Variants in GRM7 observed in about 807,000 individuals in gnomAD.
GRM7 encodes the protein glutamate metabotropic receptor 7.
GRM7 carries 35 observed loss-of-function variants against 84.5 expected under a neutral mutation model. The ratio of observed to expected loss-of-function variants is 0.41; its 90% CI spans 0.32 to 0.55. The LOEUF is 0.55. GRM7 is among the 20% of genes least tolerant of loss of function. GRM7 has a pLI of 0.19. For missense variants in GRM7, 1,003 were observed against 1,194.6 expected, an observed-to-expected ratio of 0.84 and a Z score of 2.36; for synonymous variants, 487 against 455.1, an observed-to-expected ratio of 1.07 and a Z score of -0.89.
chr3:7,001,173 C>T (rs551981721), intron 1 of GRM7, among the ~76,000 whole-genome samples: 1 of 152,120 alleles, frequency 6.6e-6, no homozygotes, highest in East Asian at 1.9e-4. Context: ...TAGTGAGACC[C>T]CATATCCACA....
At chr3:7,062,550 A>G (rs755228964) in intron 1 of GRM7, among the ~76,000 whole-genome samples, 1 of 151,816 alleles carries the variant, frequency 6.6e-6, no homozygotes, top group African/African-American at 2.4e-5. Context: ...AATTTCTCCA[A>G]TCACCCCCAG....
chr3:7,159,596 T>C (rs139568020), intron 2 of GRM7, among the ~76,000 whole-genome samples: 88 of 152,230 alleles, frequency 5.8e-4, no homozygotes, highest in African/African-American at 2.0e-3. Context: ...TCTCCAAACA[T>C]CAATCGAACA....
chr3:7,654,194 C>T (rs993575809), intron 8 of GRM7, among the ~76,000 whole-genome samples: 50 of 152,222 alleles, frequency 3.3e-4, no homozygotes, highest in East Asian at 9.7e-4. Flanking sequence ...AAGACCTTTG[C>T]GCAAGTAGAG....
At chr3:7,232,378 C>A (rs1000280199) in intron 2 of GRM7, among the ~76,000 whole-genome samples, 3 of 152,034 alleles carry the variant, frequency 2.0e-5, no homozygotes, top group African/African-American at 7.2e-5. Context: ...GTTGAGATAC[C>A]ATAAAGAGCT....
chr3:7,236,379 T>G (rs139151830), intron 2 of GRM7, among the ~76,000 whole-genome samples: 1 of 152,314 alleles, frequency 6.6e-6, no homozygotes, highest in East Asian at 1.9e-4. Context: ...TTTTCTCCTA[T>G]TTTTTAGAAA....
Position 7,550,567 on chromosome 3 carries a change from CTCTCTCTCTCTGTGTG to C in GRM7, c.1516-27853_1516-27838del, listed in dbSNP as rs1373610474. Among the ~76,000 whole-genome samples, 491 of 101,952 alleles carry C rather than the reference CTCTCTCTCTCTGTGTG, an allele frequency of 4.8e-3. 7 individuals carry two copies. The highest frequency in any genetic ancestry group is 0.014 in the African/African-American group (448 of 31,710). The allele number at this position is 101,952 out of a possible 152,430, so 66.9% of individuals were successfully genotyped here. ...TTTTCTTCTCTCTCTCTCTCTCTCT[CTCTCTCTCTCTGTGTG>C]TGTGTGTGTGTGTGTGTGTGTGTGT... On this transcript the variant is annotated intron_variant, in intron 7 of 9. Coordinates refer to ENST00000357716, the MANE Select transcript of GRM7 (RefSeq NM_000844.4).
chr3:7,239,018 G>A lies in GRM7; in HGVS notation c.737-59666G>A, dbSNP rs576708105. Among the ~76,000 whole-genome samples the A allele has an allele frequency of 1.2e-4, 12 of 100,942 alleles. No homozygotes were observed. The Admixed American group carries it at 1.5e-3, about 13-fold the overall frequency. 66.2% of individuals were successfully genotyped at this position (100,942 alleles called of 152,430 possible). A position where few individuals can be genotyped will look rare whatever the true frequency, so the allele number is the denominator to read the frequency against. ...TTTCCTTTTTCTTTTTTTTGACATG[G>A]TCTCATTCTGTAATGCAGGCTGGAG... is the stretch of plus-strand genomic sequence containing the variant. On this transcript the variant is annotated intron_variant, in intron 2 of 9. Transcript: ENST00000357716.
intron 7 of GRM7, chr3:7,559,119 A>C (rs527674749): frequency 6.8e-6 from 1 of 147,138 alleles, no homozygotes; most frequent in Admixed American, 6.9e-5. Context: ...CAACACACAT[A>C]TATTAACAGT....
chr3:7,703,732 C>T (rs1478843198), intron 9 of GRM7, among the ~76,000 whole-genome samples: 1 of 152,138 alleles, frequency 6.6e-6, no homozygotes, highest in Non-Finnish European at 1.5e-5. Context: ...TGACAATTAT[C>T]CTTGAGCTAG....
chr3:7,515,693 A>G (rs1303120908), intron 7 of GRM7, among the ~76,000 whole-genome samples: 1 of 152,148 alleles, frequency 6.6e-6, no homozygotes, highest in Non-Finnish European at 1.5e-5. Context: ...GAGGACTCAC[A>G]AGTAATCCAT....
intron 2 of GRM7, among the ~76,000 whole-genome samples, chr3:7,177,024 G>T (rs1476533022): frequency 6.6e-6 from 1 of 152,172 alleles, no homozygotes; most frequent in Non-Finnish European, 1.5e-5. Context: ...AAGCTTGTCA[G>T]TCTTTTCACA....
intron 1 of GRM7, among the ~76,000 whole-genome samples, chr3:6,902,359 C>A (rs1248100122): frequency 6.6e-6 from 1 of 152,142 alleles, no homozygotes; most frequent in East Asian, 1.9e-4. Flanking sequence ...TAGGCAACCA[C>A]AATGTCTGGG....
chr3:7,666,605 G>T (rs1325896956), intron 8 of GRM7, among the ~76,000 whole-genome samples: 1 of 152,066 alleles, frequency 6.6e-6, no homozygotes. Flanking sequence ...AATGATAACG[G>T]CCAAAACGTT....
At chr3:7,266,230 C>G (rs1284109369) in intron 2 of GRM7, among the ~76,000 whole-genome samples, 1 of 152,122 alleles carries the variant, frequency 6.6e-6, no homozygotes. Context: ...CAGGTTCAAG[C>G]CAGTGCTATT....
At chr3:7,617,354 G>A (rs1697139628) in intron 8 of GRM7, among the ~76,000 whole-genome samples, 1 of 151,992 alleles carries the variant, frequency 6.6e-6, no homozygotes, top group Non-Finnish European at 1.5e-5. Flanking sequence ...CATAATGTTG[G>A]GTGTGCTAGA....
At chr3:7,688,661 G>A (rs746748326) in intron 9 of GRM7, among the ~76,000 whole-genome samples, 12 of 152,144 alleles carry the variant, frequency 7.9e-5, no homozygotes, top group Middle Eastern at 3.2e-3. Flanking sequence ...AAGGTTATGC[G>A]TTCAAATCCA....
intron 4 of GRM7, among the ~76,000 whole-genome samples, chr3:7,330,678 T>C (rs976505576): frequency 1.3e-5 from 2 of 152,194 alleles, no homozygotes; most frequent in South Asian, 4.1e-4. Context: ...ATGTAAGACA[T>C]GCATTTCACC....
chr3:7,297,835 T>C (rs1699864622), intron 2 of GRM7, among the ~76,000 whole-genome samples: 1 of 152,186 alleles, frequency 6.6e-6, no homozygotes, highest in Admixed American at 6.5e-5. Context: ...TCATCGATGC[T>C]GGCTTTTAAG....
chr3:7,734,414 T>C (rs1354049745), intron 9 of GRM7, among the ~76,000 whole-genome samples: 1 of 152,202 alleles, frequency 6.6e-6, no homozygotes, highest in Non-Finnish European at 1.5e-5. Context: ...AGTGAGTAAA[T>C]GTTAAAGTGA....
Sources: allele counts gnomAD v4.1 joint callset (sites outside exome capture counted in the v4.1 genomes callset), GRCh38; gene constraint gnomAD v4.1.1; transcripts MANE v1.5; gene names NCBI Gene and HGNC (gene_info 2026-07-23, HGNC 2026-07-21).